ASNSD1: variants seen among roughly 807,000 people sequenced by gnomAD.
ASNSD1 encodes the protein asparagine synthetase domain-containing protein 1.
A neutral mutation model predicts 48.3 loss-of-function variants in ASNSD1; 36 were observed. That is an observed-to-expected ratio of 0.75 (90% CI 0.57 to 0.99). The LOEUF (loss-of-function observed/expected upper bound fraction) is 0.99. ASNSD1 is among the 50% of genes least tolerant of loss of function. ASNSD1 has a pLI of 0.00. For synonymous variants in ASNSD1, 257 were observed against 262.1 expected, an observed-to-expected ratio of 0.98 and a Z score of 0.19; for missense variants, 714 against 758.2, an observed-to-expected ratio of 0.94 and a Z score of 0.69.
At position 189,666,548 on chromosome 2, in the gene ASNSD1, G is replaced by A. The variant is rs769966669; in HGVS notation, c.416G>A (p.Gly139Asp). ...HYLWFGRDFF[G>D]RRSLLWHFSN... is the part of the protein sequence containing the mutation. ...TTATGGTTTGGTAGGGATTTTTTTG[G>A]TCGCCGTAGCTTGCTTTGGCATTTT... is the stretch of plus-strand genomic sequence containing the variant. Residue 139 changes from glycine to aspartate, a missense_variant, in exon 4 of 6, where the codon GGT (glycine) becomes GAT (aspartate). Transcript: ENST00000260952. 5 of 1,612,774 alleles carry A rather than the reference G, an allele frequency of 3.1e-6. No individual in the cohort carries two copies. The South Asian group carries it at 5.5e-5, about 18-fold the overall frequency.
rs752490005 is a variant in ASNSD1, at chr2:189,666,503, A to G, written c.371A>G (p.Tyr124Cys). Residue 124 changes from tyrosine to cysteine, a missense_variant, in exon 4 of 6, where the codon TAT (tyrosine) becomes TGT (cysteine). Coordinates refer to ENST00000260952, the MANE Select transcript of ASNSD1 (RefSeq NM_019048.4). ...EVQGPWSFIY[Y>C]QASSHYLWFG... ...CAAGGTCCCTGGTCATTTATATATT[A>G]TCAAGCATCTAGTCATTATTTATGG... 3.7e-6 allele frequency: 6 copies of G among 1,613,482 alleles called. No individual in the cohort carries two copies. The highest frequency in any genetic ancestry group is 2.5e-6 in the Non-Finnish European group (3 of 1,179,816).
At position 189,667,071 on chromosome 2, in the gene ASNSD1, G is replaced by A; in HGVS notation, c.939G>A (p.Leu313=). The A allele has an allele frequency of 6.2e-7, 1 of 1,614,094 alleles. No individual in the cohort carries two copies. Among genetic ancestry groups the A allele is most frequent in the South Asian group, 1.1e-5 (1 of 91,068 alleles). ...RDENLTANEV[L]KTCDRKANVA... Reference sequence around the variant, plus strand: ...AAAACCTGACAGCAAATGAAGTTTTGAAAACGTGTGATAGGAAAGCAAATG... The same window carrying A: ...AAAACCTGACAGCAAATGAAGTTTTAAAAACGTGTGATAGGAAAGCAAATG... The change falls in exon 4 of 6, where the codon TTG becomes TTA. Residue 313 remains leucine (L), a synonymous_variant. Transcript: ENST00000260952.
Position 189,670,618 on chromosome 2 carries a change from A to G in ASNSD1, c.1824A>G (p.Ser608=). Residue 608 remains serine, a synonymous_variant, in exon 6 of 6, where the codon TCA becomes TCG. Coordinates refer to ENST00000260952, the MANE Select transcript of ASNSD1 (RefSeq NM_019048.4). ...LLPKRAMQFG[S]RIAKMEKINE... ...CCAAACGGGCCATGCAGTTTGGATC[A>G]AGAATTGCAAAAATGGAAAAAATTA... 9 of 1,614,086 alleles carry G rather than the reference A, an allele frequency of 5.6e-6. No individual in the cohort carries two copies. Among genetic ancestry groups the G allele is most frequent in the Non-Finnish European group, 7.6e-6 (9 of 1,179,970 alleles).
rs374486614 is a variant in ASNSD1 at position 189,667,261 on chromosome 2, A to T, written c.1129A>T (p.Lys377Ter). The change falls in exon 4 of 6, where the codon AAA becomes TAA. Residue 377 changes from lysine to a stop codon, truncating the protein, a stop_gained. Transcript: ENST00000260952. LOFTEE classifies it high-confidence loss of function. ...FNREGNKQKN[K>*]CEIPSEEFSK... ...CAGAGAAGGGAATAAACAGAAAAAT[A>T]AATGTGAAATACCTTCAGAAGAATT... 1 of 1,614,028 alleles carries T rather than the reference A, an allele frequency of 6.2e-7. No homozygotes were observed. The highest frequency in any genetic ancestry group is 1.3e-5 in the African/African-American group (1 of 74,916).
chr2:189,664,946 G>A (rs1454750027), intron 2 of ASNSD1, among the ~76,000 whole-genome samples: 4 of 152,152 alleles, frequency 2.6e-5, no homozygotes, highest in Non-Finnish European at 2.9e-5. Flanking sequence ...ATTTACAATA[G>A]CAAAGAGATG....
rs1038556388 is a variant in ASNSD1 at position 189,670,575 on chromosome 2, C to T, written c.1781C>T (p.Thr594Ile). ...LRLAAVELGL[T>I]ASALLPKRAM... ...CTTGCAGCTGTGGAACTTGGTCTTACAGCCTCTGCTCTTCTGCCCAAACGG... is the reference window on the plus strand; with the variant it reads ...CTTGCAGCTGTGGAACTTGGTCTTATAGCCTCTGCTCTTCTGCCCAAACGG... Residue 594 changes from threonine (T) to isoleucine (I), a missense_variant, in exon 6 of 6, where the codon ACA becomes ATA. Physicochemically the swap from Thr to Ile is moderately conservative, Grantham distance 89. Transcript: ENST00000260952. 3.7e-6 allele frequency: 6 copies of T among 1,613,978 alleles called. No individual in the cohort carries two copies. In the Admixed American group the frequency reaches 8.3e-5, roughly 22 times the overall value.
Position 189,670,777 on chromosome 2 carries a change from A to T in ASNSD1, c.*51A>T, listed in dbSNP as rs1477123960. The T allele has an allele frequency of 1.6e-6, 2 of 1,223,934 alleles. No individual in the cohort carries two copies. Among genetic ancestry groups the T allele is most frequent in the African/African-American group, 3.1e-5 (2 of 64,056 alleles). The allele number at this position is 1,223,934 out of a possible 1,614,324, so 75.8% of individuals were successfully genotyped here. On this transcript the variant is annotated 3_prime_UTR_variant, in exon 6 of 6. Coordinates refer to ENST00000260952, the MANE Select transcript of ASNSD1 (RefSeq NM_019048.4). ...AAATAAGTTTTTATATAATTATATAAAAGTAAGATACTCTGCTGCTTTACT... is the reference window on the plus strand; with the variant it reads ...AAATAAGTTTTTATATAATTATATATAAGTAAGATACTCTGCTGCTTTACT...
chr2:189,670,582 T>TG lies in ASNSD1; in HGVS notation c.1789dup (p.Ala597GlyfsTer21). The TG allele has an allele frequency of 6.2e-7, 1 of 1,614,138 alleles. No homozygotes were observed. On this transcript the variant is annotated frameshift_variant, in exon 6 of 6. Transcript: ENST00000260952. LOFTEE classifies it high-confidence loss of function. ...CTGTGGAACTTGGTCTTACAGCCTC[T>TG]GCTCTTCTGCCCAAACGGGCCATGC...
chr2:189,664,505 T>C (rs12693551), intron 2 of ASNSD1, among the ~76,000 whole-genome samples: 96,810 of 152,172 alleles, frequency 0.64, 32,661 homozygotes, highest in South Asian at 0.76. Flanking sequence ...AGAAATGAGT[T>C]TGAGCTCTTA....
chr2:189,666,478 C>T lies in ASNSD1; in HGVS notation c.346C>T (p.Gln116Ter). Residue 116 changes from glutamine to a stop codon, truncating the protein, a stop_gained, in exon 4 of 6, where the codon CAA (glutamine) becomes TAA (stop). Coordinates refer to ENST00000260952, the MANE Select transcript of ASNSD1 (RefSeq NM_019048.4). LOFTEE classifies it high-confidence loss of function. ...SEILSLFSEV[Q>*]GPWSFIYYQA... ...GATTTTGTCACTCTTCTCAGAAGTA[C>T]AAGGTCCCTGGTCATTTATATATTA... 6.2e-7 allele frequency: 1 copy of T among 1,613,836 alleles called. No individual in the cohort carries two copies. Among genetic ancestry groups the T allele is most frequent in the Non-Finnish European group, 8.5e-7 (1 of 1,179,922 alleles).
At chr2:189,662,125 C>G (rs2032680558) in intron 1 of ASNSD1, among the ~76,000 whole-genome samples, 1 of 152,232 alleles carries the variant, frequency 6.6e-6, no homozygotes, top group South Asian at 2.1e-4. Flanking sequence ...CCTAAGCGGT[C>G]TCTCCTCATC....
chr2:189,664,063 G>A, intron 2 of ASNSD1, 109 bp downstream of exon 2: 1 of 337,354 alleles, frequency 3.0e-6, no homozygotes, highest in Non-Finnish European at 5.3e-6. Flanking sequence ...TTAATAAAAT[G>A]TATAGTATTT....
intron 5 of ASNSD1, 36 bp from the exon 6 acceptor site, chr2:189,670,405 T>C: frequency 6.5e-7 from 1 of 1,535,432 alleles, no homozygotes; most frequent in Non-Finnish European, 8.8e-7. Flanking sequence ...GTTGATTTTA[T>C]TTTTACATAG....
At position 189,666,321 on chromosome 2, in the gene ASNSD1, G is replaced by A. The variant is rs539501888; in HGVS notation, c.189G>A (p.Gln63=). The A allele has an allele frequency of 4.6e-5, 74 of 1,613,946 alleles. No individual in the cohort carries two copies. In the Admixed American group the frequency reaches 1.2e-3, roughly 25 times the overall value. ...ACTTGAGGGGTGTTTTGACTACCCA[G>A]CCTGTGGAAGATGAAAGAGGCAATG... ...VLHLRGVLTT[Q]PVEDERGNVF... The change falls in exon 4 of 6, where the codon CAG becomes CAA. Residue 63 remains glutamine (Q), a synonymous_variant. Transcript: ENST00000260952.
chr2:189,665,692 A>G (rs10931429), intron 3 of ASNSD1, among the ~76,000 whole-genome samples: 139,974 of 141,690 alleles, frequency 0.99, 69,174 homozygotes, highest in East Asian at 1. Flanking sequence ...GTGCTTTAGA[A>G]TTTTAAACAG....
intron 3 of ASNSD1, 145 bp downstream of exon 3, chr2:189,665,596 G>GTATATACATATATATATA (rs71023704): frequency 1.8e-5 from 2 of 111,486 alleles, no homozygotes; most frequent in African/African-American, 7.9e-5. Context: ...ATATATATAT[G>GTATATACATATATATATA]TGTATATATA....
intron 1 of ASNSD1, among the ~76,000 whole-genome samples, chr2:189,662,267 C>T (rs2032685011): frequency 6.6e-6 from 1 of 152,172 alleles, no homozygotes; most frequent in African/African-American, 2.4e-5. Flanking sequence ...AAACAAACAA[C>T]CTTTAAAGAT....
At position 189,667,252 on chromosome 2, in the gene ASNSD1, CA is replaced by C. The variant is rs1559035430; in HGVS notation, c.1121del (p.Gln374ArgfsTer40). 1 of 1,613,882 alleles carries C rather than the reference CA, an allele frequency of 6.2e-7. No homozygotes were observed. The highest frequency in any genetic ancestry group is 1.3e-5 in the African/African-American group (1 of 74,896). ...TACCTTTAACAGAGAAGGGAATAAACAGAAAAATAAATGTGAAATACCTTCA... is the reference window on the plus strand; with the variant it reads ...TACCTTTAACAGAGAAGGGAATAAACGAAAAATAAATGTGAAATACCTTCA... Reference protein sequence around the residue: ...PTTFNREGNKQKNKCEIPSEE... With the variant: ...PTTFNREGNKXKNKCEIPSEE... On this transcript the variant is annotated frameshift_variant, in exon 4 of 6. Coordinates refer to ENST00000260952, the MANE Select transcript of ASNSD1 (RefSeq NM_019048.4). LOFTEE classifies it high-confidence loss of function.
At chr2:189,669,082 A>G (rs888432491) in intron 5 of ASNSD1, among the ~76,000 whole-genome samples, 3 of 151,810 alleles carry the variant, frequency 2.0e-5, no homozygotes, top group Non-Finnish European at 2.9e-5. Context: ...TCTCTCTTTG[A>G]CTTCATTGTT....
Sources: gnomAD v4.1 joint callset for allele counts (sites outside exome capture counted in the v4.1 genomes callset) on GRCh38, gnomAD v4.1.1 for gene constraint, MANE v1.5 for transcripts, NCBI Gene and HGNC (gene_info 2026-07-23, HGNC 2026-07-21) for gene names.